Variants in PPP1R12A observed in about 807,000 individuals in gnomAD.
PPP1R12A encodes myosin binding subunit.
Under a neutral mutation model 139.6 loss-of-function variants are expected in PPP1R12A, and 19 were observed. The observed-to-expected ratio is 0.14, with a 90% CI of 0.09 to 0.20. The LOEUF (loss-of-function observed/expected upper bound fraction) is 0.20, where lower values mean the gene tolerates loss of function less well. PPP1R12A is among the 10% of genes least tolerant of loss of function. The pLI, the probability that PPP1R12A is intolerant of heterozygous loss-of-function variation, is 1.00. For synonymous variants in PPP1R12A, 427 were observed against 420.6 expected (o/e 1.02, Z -0.19); for missense variants, 925 against 1,211.5 (o/e 0.76, Z 3.51).
At chr12:79,801,624 G>C (rs1399259332) in intron 14 of PPP1R12A, among the ~76,000 whole-genome samples, 1 of 151,658 alleles carries the variant, frequency 6.6e-6, no homozygotes, top group Non-Finnish European at 1.5e-5. Flanking sequence ...TATATATAAG[G>C]AAATCATATT....
chr12:79,785,893 A>C (rs1871065966), intron 22 of PPP1R12A, among the ~76,000 whole-genome samples: 1 of 152,148 alleles, frequency 6.6e-6, no homozygotes, highest in Non-Finnish European at 1.5e-5. Flanking sequence ...TGGCCATCCC[A>C]ATTTTATTGT....
chr12:79,789,587 A>C, intron 20 of PPP1R12A: 1 of 444,418 alleles, frequency 2.3e-6, no homozygotes, highest in Non-Finnish European at 4.5e-6. Context: ...TGGTTCTGAA[A>C]TTCAGGTTAC....
chr12:79,820,866 T>A lies in PPP1R12A; in HGVS notation c.1022A>T (p.Lys341Met), dbSNP rs1176412899. ...ASRIESLEQEKVDEEEEGKKD... is the reference protein window; with the variant it reads ...ASRIESLEQEMVDEEEEGKKD... ...CTTTCCTTCTTCTTCTTCATCAACCTTTTCTTGTTCCAGAGATTCAATACG... is the reference window on the plus strand; with the variant it reads ...CTTTCCTTCTTCTTCTTCATCAACCATTTCTTGTTCCAGAGATTCAATACG... The change falls in exon 8 of 25, where the codon AAG becomes ATG. Residue 341 changes from lysine to methionine, a missense_variant. Physicochemically the swap from Lys to Met is moderately conservative, Grantham distance 95 (BLOSUM62 -1). This residue lies in a region of PPP1R12A where 403 missense variants were observed against 463.7 expected (regional missense o/e 0.87). Transcript: ENST00000450142. The A allele has an allele frequency of 6.2e-7, 1 of 1,613,612 alleles. No individual in the cohort carries two copies. Among genetic ancestry groups the A allele is most frequent in the Non-Finnish European group, 8.5e-7 (1 of 1,179,754 alleles).
intron 2 of PPP1R12A, among the ~76,000 whole-genome samples, chr12:79,864,263 C>T (rs1881707323): frequency 6.6e-6 from 1 of 152,088 alleles, no homozygotes; most frequent in South Asian, 2.1e-4. Flanking sequence ...GAAATGAAGG[C>T]AGAGATAAAG....
rs1282712516 is a variant in PPP1R12A, at chr12:79,808,541, C to T, written c.1492G>A (p.Ala498Thr). ...DSKGTRLAYV[A>T]PTIPRRLAST... The stretch of plus-strand genomic sequence containing the variant: ...GCTAGTCGTCTTGGTATTGTAGGTG[C>T]AACATATGCAAGCCTAGTTCCTTTA... Residue 498 changes from alanine (A) to threonine (T), a missense_variant, in exon 11 of 25, where the codon GCA becomes ACA. This residue lies in a region of PPP1R12A where 403 missense variants were observed against 463.7 expected (regional missense o/e 0.87). Coordinates refer to ENST00000450142, the MANE Select transcript of PPP1R12A (RefSeq NM_002480.3). 6.2e-7 allele frequency: 1 copy of T among 1,608,774 alleles called. No homozygotes were observed. The highest frequency in any genetic ancestry group is 2.2e-5 in the East Asian group (1 of 44,762).
intron 1 of PPP1R12A, among the ~76,000 whole-genome samples, chr12:79,918,785 A>T (rs961229987): frequency 1.2e-4 from 18 of 152,092 alleles, no homozygotes; most frequent in Non-Finnish European, 2.1e-4. Context: ...GATTTTTCTT[A>T]AAAAAGAAAA....
At chr12:79,882,791 C>A (rs1048179104) in intron 1 of PPP1R12A, among the ~76,000 whole-genome samples, 1 of 152,092 alleles carries the variant, frequency 6.6e-6, no homozygotes, top group Non-Finnish European at 1.5e-5. Flanking sequence ...GTCACAGTCA[C>A]TCCAACCTTC....
intron 4 of PPP1R12A, among the ~76,000 whole-genome samples, chr12:79,831,270 A>C (rs966959368): frequency 6.6e-6 from 1 of 152,128 alleles, no homozygotes; most frequent in African/African-American, 2.4e-5. Context: ...GGCCTAAATT[A>C]TTGAAGTTGA....
chr12:79,790,591 A>G, intron 19 of PPP1R12A, 108 bp from the exon 20 acceptor site: 1 of 743,406 alleles, frequency 1.3e-6, no homozygotes, highest in South Asian at 2.8e-5. Flanking sequence ...AAGCAAACGA[A>G]TGAACACCTA....
intron 1 of PPP1R12A, among the ~76,000 whole-genome samples, chr12:79,884,723 G>C (rs1592767933): frequency 6.6e-6 from 1 of 152,266 alleles, no homozygotes; most frequent in East Asian, 1.9e-4. Context: ...TTACCTTCAA[G>C]TTTTTCTTGA....
rs1265247860 is a variant in PPP1R12A at position 79,796,864 on chromosome 12, A to G, written c.2379T>C (p.Ala793=). The part of the protein sequence containing the change: ...SLSTMSSSLY[A]SSQLNRPNSL... ...TATTTGGCCTGTTTAGTTGACTTGA[A>G]GCATACAGTGAACTGCTCATAGTAG... is the stretch of plus-strand genomic sequence containing the variant. The change falls in exon 17 of 25, where the codon GCT becomes GCC. Residue 793 remains alanine, a synonymous_variant. Transcript: ENST00000450142. The G allele has an allele frequency of 6.2e-7, 1 of 1,611,258 alleles. No homozygotes were observed. The highest frequency in any genetic ancestry group is 1.7e-5 in the Admixed American group (1 of 59,998).
rs146123787 is a variant in PPP1R12A at position 79,841,570 on chromosome 12, G to C, written c.487+3732C>G. 3.3e-3 allele frequency among the ~76,000 whole-genome samples: 503 copies of C among 152,208 alleles called. 1 individual carries two copies. Among genetic ancestry groups the C allele is most frequent in the African/African-American group, 0.012 (483 of 41,526 alleles). On this transcript the variant is annotated intron_variant, in intron 3 of 24. Coordinates refer to ENST00000450142, the MANE Select transcript of PPP1R12A (RefSeq NM_002480.3). ...ATCAGCCCCGCTTACAGTTACGCTA[G>C]CAATTTCCCTTATACAGAAGGAAAC...
At chr12:79,836,914 C>A (rs1446904407) in intron 3 of PPP1R12A, among the ~76,000 whole-genome samples, 1 of 152,162 alleles carries the variant, frequency 6.6e-6, no homozygotes, top group Non-Finnish European at 1.5e-5. Context: ...GGTAGACAAT[C>A]TATGCTATGC....
intron 1 of PPP1R12A, among the ~76,000 whole-genome samples, chr12:79,884,096 G>C (rs1036026437): frequency 1.3e-5 from 2 of 152,262 alleles, no homozygotes; most frequent in Admixed American, 1.3e-4. Flanking sequence ...CAAATACGGT[G>C]AGGTAAGCAA....
intron 1 of PPP1R12A, among the ~76,000 whole-genome samples, chr12:79,881,580 T>A (rs1883639693): frequency 6.6e-6 from 1 of 152,198 alleles, no homozygotes; most frequent in Admixed American, 6.5e-5. Context: ...AGAAGCAATC[T>A]CCATATCATA....
chr12:79,783,517 CTCAT>C (rs201840943), intron 22 of PPP1R12A, among the ~76,000 whole-genome samples: 2,147 of 151,946 alleles, frequency 0.014, 24 homozygotes, highest in South Asian at 0.022. Flanking sequence ...TTAGTTAATT[CTCAT>C]TTATTTTTGG....
chr12:79,900,513 G>A lies in PPP1R12A; in HGVS notation c.238-27575C>T, dbSNP rs188122460. Among the ~76,000 whole-genome samples, 4 of 152,224 alleles carry A rather than the reference G, an allele frequency of 2.6e-5. No homozygotes were observed. In the East Asian group the frequency reaches 7.7e-4, roughly 29 times the overall value. On this transcript the variant is annotated intron_variant, in intron 1 of 24. Transcript: ENST00000450142. ...AATGTGCCTTTGAAACAAATGGCAG[G>A]GAACTTAAATCATGAACAAAGCTTT... is the stretch of plus-strand genomic sequence containing the variant.
chr12:79,810,479 C>T (rs1481477217), intron 9 of PPP1R12A, among the ~76,000 whole-genome samples: 2 of 152,090 alleles, frequency 1.3e-5, no homozygotes, highest in African/African-American at 4.8e-5. Flanking sequence ...CTACTGATTC[C>T]ACCACAGGCA....
At chr12:79,802,173 T>C (rs1021339434) in intron 14 of PPP1R12A, among the ~76,000 whole-genome samples, 4 of 152,124 alleles carry the variant, frequency 2.6e-5, no homozygotes, top group African/African-American at 9.7e-5. Flanking sequence ...AAAATCACAA[T>C]AAAATATTGA....
Sources: gnomAD v4.1 joint callset for allele counts (sites outside exome capture counted in the v4.1 genomes callset) on GRCh38, gnomAD v4.1.1 for gene constraint, gnomAD v4.1.1 regional missense constraint, MANE v1.5 for transcripts, NCBI Gene and HGNC (gene_info 2026-07-23, HGNC 2026-07-21) for gene names.